Variants in SLC35D2 observed in about 807,000 individuals in gnomAD.
SLC35D2 encodes solute carrier family 35 member D2.
A neutral mutation model predicts 41.8 loss-of-function variants in SLC35D2; 43 were observed. That is an observed-to-expected ratio of 1.03 (90% CI 0.81 to 1.33). SLC35D2 has a LOEUF of 1.33. SLC35D2 is among the 40% of genes most tolerant of loss of function. The pLI is 0.00. For synonymous variants in SLC35D2, 150 were observed against 163.9 expected (o/e 0.92, Z 0.65); for missense variants, 380 against 408.4 (o/e 0.93, Z 0.60).
At chr9:96,314,442 A>T (rs1300600412) in exon 12 of SLC35D2, 2 of 152,176 alleles carry the variant, frequency 1.3e-5, no homozygotes, top group African/African-American at 4.8e-5. Context: ...CATTGCAGGG[A>T]CATGGATGGA....
intron 1 of SLC35D2, among the ~76,000 whole-genome samples, chr9:96,376,599 A>T (rs897992472): frequency 1.3e-5 from 2 of 151,002 alleles, no homozygotes; most frequent in Non-Finnish European, 2.9e-5. Context: ...ACAGAGAGAG[A>T]CTCTGACTCT....
At chr9:96,358,071 TTATATATTTTA>T (rs1830101630) in intron 4 of SLC35D2, among the ~76,000 whole-genome samples, 1 of 120,854 alleles carries the variant, frequency 8.3e-6, no homozygotes, top group African/African-American at 3.2e-5. Context: ...AAACAAAATA[TTATATATTTTA>T]TATATATATA....
chr9:96,374,701 G>T (rs1830864006), intron 1 of SLC35D2, among the ~76,000 whole-genome samples: 1 of 135,250 alleles, frequency 7.4e-6, no homozygotes, highest in Non-Finnish European at 1.6e-5. Flanking sequence ...AGCCGAGCGT[G>T]GTGGCAGGCG....
chr9:96,327,960 G>C (rs993864676), intron 9 of SLC35D2, among the ~76,000 whole-genome samples: 1 of 151,556 alleles, frequency 6.6e-6, no homozygotes, highest in African/African-American at 2.4e-5. Flanking sequence ...CCCCAGAGAG[G>C]GCAAATATAG....
intron 8 of SLC35D2, 120 bp downstream of exon 8, chr9:96,343,784 A>G (rs939995561): frequency 1.5e-5 from 9 of 593,422 alleles, no homozygotes; most frequent in African/African-American, 1.3e-4. Flanking sequence ...TCTTGTTATC[A>G]TGTACCCTCC....
At chr9:96,380,140 G>A (rs944440591) in intron 1 of SLC35D2, among the ~76,000 whole-genome samples, 5 of 152,064 alleles carry the variant, frequency 3.3e-5, no homozygotes, top group African/African-American at 7.2e-5. Flanking sequence ...CAGGTGATCC[G>A]CCCACCTCAG....
intron 9 of SLC35D2, 109 bp downstream of exon 9, chr9:96,336,608 G>A (rs528888752): frequency 2.7e-6 from 2 of 740,320 alleles, no homozygotes; most frequent in South Asian, 3.8e-5. Flanking sequence ...TCCAGAGAAA[G>A]TCAGAGAAAC....
chr9:96,328,098 G>C (rs1341072997), intron 9 of SLC35D2, among the ~76,000 whole-genome samples: 1 of 152,144 alleles, frequency 6.6e-6, no homozygotes, highest in Non-Finnish European at 1.5e-5. Context: ...CGTTAACTCA[G>C]TACTCAGTGC....
chr9:96,374,133 A>T (rs775979458), intron 1 of SLC35D2: 1 of 152,208 alleles, frequency 6.6e-6, no homozygotes, highest in African/African-American at 2.4e-5. Context: ...AATCCTCATA[A>T]AATTAAATAA....
At chr9:96,375,343 C>G (rs767436794) in intron 1 of SLC35D2, among the ~76,000 whole-genome samples, 2 of 151,678 alleles carry the variant, frequency 1.3e-5, no homozygotes, top group Non-Finnish European at 1.5e-5. Flanking sequence ...TTTGAGAGGC[C>G]AAGGCGGGTG....
chr9:96,359,391 CA>C (rs987197725), intron 4 of SLC35D2, among the ~76,000 whole-genome samples: 42 of 151,226 alleles, frequency 2.8e-4, no homozygotes, highest in African/African-American at 1.0e-3. Flanking sequence ...GCCCCATAAT[CA>C]AAAGACCCTG....
At chr9:96,359,605 G>A (rs951701374) in intron 4 of SLC35D2, among the ~76,000 whole-genome samples, 23 of 151,894 alleles carry the variant, frequency 1.5e-4, no homozygotes, top group African/African-American at 3.1e-4. Flanking sequence ...CAGGAGAATC[G>A]CTTGAACTCA....
intron 4 of SLC35D2, among the ~76,000 whole-genome samples, chr9:96,354,239 A>G (rs986929897): frequency 1.8e-4 from 27 of 152,352 alleles, no homozygotes; most frequent in African/African-American, 5.5e-4. Context: ...TATTGTATCT[A>G]TTCAACACTG....
chr9:96,357,817 C>T (rs1183832923), intron 4 of SLC35D2, among the ~76,000 whole-genome samples: 1 of 151,804 alleles, frequency 6.6e-6, no homozygotes, highest in African/African-American at 2.4e-5. Flanking sequence ...AGCAGGCAGA[C>T]TGCTTGAGCT....
At chr9:96,363,943 A>T (rs1016647749) in intron 3 of SLC35D2, among the ~76,000 whole-genome samples, 1 of 152,206 alleles carries the variant, frequency 6.6e-6, no homozygotes, top group African/African-American at 2.4e-5. Flanking sequence ...CATTTATTTG[A>T]TGTCAGTTGT....
chr9:96,323,365 C>A (rs1217712610), intron 10 of SLC35D2, among the ~76,000 whole-genome samples: 1 of 152,086 alleles, frequency 6.6e-6, no homozygotes, highest in Non-Finnish European at 1.5e-5. Flanking sequence ...CACCCACACA[C>A]CAACCCACCA....
chr9:96,362,665 C>A (rs1564118405), intron 3 of SLC35D2, among the ~76,000 whole-genome samples: 1 of 152,120 alleles, frequency 6.6e-6, no homozygotes, highest in African/African-American at 2.4e-5. Flanking sequence ...GGTAATTATT[C>A]ATTCAACTAC....
At position 96,324,141 on chromosome 9, in the gene SLC35D2, A is replaced by G; in HGVS notation, c.781T>C (p.Cys261Arg). Residue 261 changes from cysteine (C) to arginine (R), a missense_variant, in exon 10 of 12, where the codon TGC (cysteine) becomes CGC (arginine). Cys to Arg is a radical substitution (Grantham distance 180). Transcript: ENST00000253270. Reference sequence around the variant, plus strand: ...GTCAGGGCTGAATTGTAATAGCTGCACAGAACCGTGGAGTACATCAGCAGA... The same window carrying G: ...GTCAGGGCTGAATTGTAATAGCTGCGCAGAACCGTGGAGTACATCAGCAGA... ...GFLLMYSTVLCSYYNSALTTA... is the reference protein window; with the variant it reads ...GFLLMYSTVLRSYYNSALTTA... 6.2e-7 allele frequency: 1 copy of G among 1,614,000 alleles called. No individual in the cohort carries two copies.
intron 8 of SLC35D2, among the ~76,000 whole-genome samples, chr9:96,342,336 G>A (rs755600109): frequency 3.3e-5 from 5 of 152,006 alleles, no homozygotes; most frequent in Non-Finnish European, 7.4e-5. Context: ...CATCACGTTG[G>A]CCAGGCTGGT....
Sources: gnomAD v4.1 joint callset for allele counts (sites outside exome capture counted in the v4.1 genomes callset) on GRCh38, gnomAD v4.1.1 for gene constraint, MANE v1.5 for transcripts, NCBI Gene and HGNC (gene_info 2026-07-23, HGNC 2026-07-21) for gene names.